RARS1: variants seen among roughly 807,000 people sequenced by gnomAD.
The protein encoded by RARS1 is arginyl-tRNA synthetase 1.
A neutral mutation model predicts 78.7 loss-of-function variants in RARS1; 75 were observed. The ratio of observed to expected loss-of-function variants is 0.95; its 90% CI spans 0.79 to 1.15. The LOEUF is 1.15. Ranked by LOEUF, RARS1 falls within the 50% of genes most tolerant of loss-of-function variation. The pLI is 0.00. For synonymous variants in RARS1, 273 were observed against 268.2 expected (o/e 1.02, Z -0.18); for missense variants, 787 against 787.5 (o/e 1.00, Z 0.01).
chr5:168,511,230 A>G (rs908351128), intron 12 of RARS1, among the ~76,000 whole-genome samples: 61 of 150,728 alleles, frequency 4.0e-4, no homozygotes, highest in Non-Finnish European at 7.7e-4. Flanking sequence ...AGAGCAGTAG[A>G]GGAGAGGTCA....
intron 9 of RARS1, among the ~76,000 whole-genome samples, chr5:168,503,827 T>C (rs916793129): frequency 1.3e-5 from 2 of 152,086 alleles, no homozygotes; most frequent in African/African-American, 4.8e-5. Flanking sequence ...TCACAGCACT[T>C]GGAGAGGCTG....
intron 7 of RARS1, among the ~76,000 whole-genome samples, 168 bp from the exon 8 acceptor site, chr5:168,500,423 G>T (rs1379339010): frequency 1.3e-5 from 2 of 152,050 alleles, no homozygotes; most frequent in South Asian, 4.1e-4. Flanking sequence ...AAGTTCTTTG[G>T]CATGTTCATT....
intron 1 of RARS1, among the ~76,000 whole-genome samples, chr5:168,487,098 C>T (rs1582424102): frequency 1.3e-5 from 2 of 152,226 alleles, no homozygotes; most frequent in East Asian, 1.9e-4. Flanking sequence ...CGCGGTGGCT[C>T]ATGCCTGTAA....
Position 168,497,252 on chromosome 5 carries a change from G to A in RARS1, c.726G>A (p.Gly242=), listed in dbSNP as rs1758214801. The A allele has an allele frequency of 2.5e-6, 4 of 1,579,964 alleles. No homozygotes were observed. Among genetic ancestry groups the A allele is most frequent in the Non-Finnish European group, 2.6e-6 (3 of 1,161,206 alleles). The change falls in exon 7 of 15, where the codon GGG becomes GGA. Residue 242 remains glycine (G), a synonymous_variant. Coordinates refer to ENST00000231572, the MANE Select transcript of RARS1 (RefSeq NM_002887.4). The stretch of plus-strand genomic sequence containing the variant: ...GGTTAAATCATGTAGGAGACTGGGG[G>A]ACCCAGTTTGGCATGCTCATCGCTC... ...VLRLNHVGDW[G]TQFGMLIAHL...
At chr5:168,505,773 A>G (rs1167932820) in intron 9 of RARS1, among the ~76,000 whole-genome samples, 1 of 151,680 alleles carries the variant, frequency 6.6e-6, no homozygotes, top group Admixed American at 6.6e-5. Flanking sequence ...AGTGTGGAAA[A>G]CTGCCAGAAC....
intron 11 of RARS1, among the ~76,000 whole-genome samples, chr5:168,507,380 A>G (rs753486621): frequency 6.6e-6 from 1 of 152,202 alleles, no homozygotes; most frequent in Non-Finnish European, 1.5e-5. Context: ...TAAAAAGGTA[A>G]ATACAACCGT....
intron 11 of RARS1, among the ~76,000 whole-genome samples, 174 bp downstream of exon 11, chr5:168,507,005 G>A (rs17664559): frequency 0.036 from 5,470 of 152,272 alleles, 419 homozygotes; most frequent in Admixed American, 0.18. Flanking sequence ...GCCAGGGAAT[G>A]TAGCCTTTTA....
At position 168,510,598 on chromosome 5, in the gene RARS1, G is replaced by T; in HGVS notation, c.1364G>T (p.Arg455Leu). The change falls in exon 12 of 15, where the codon CGT (arginine) becomes CTT (leucine). Residue 455 changes from arginine (R) to leucine (L), a missense_variant. Coordinates refer to ENST00000231572, the MANE Select transcript of RARS1 (RefSeq NM_002887.4). ...LGEDKKKFKTRSGETVRLMDL... is the reference protein window; with the variant it reads ...LGEDKKKFKTLSGETVRLMDL... ...TTTTTTAGGAAAAAGTTTAAAACAC[G>T]TTCGGGTGAAACAGTGCGCCTCATG... 6.2e-7 allele frequency: 1 copy of T among 1,608,798 alleles called. No individual in the cohort carries two copies. Among genetic ancestry groups the T allele is most frequent in the Non-Finnish European group, 8.5e-7 (1 of 1,178,800 alleles).
At chr5:168,507,594 C>T (rs979449732) in intron 11 of RARS1, among the ~76,000 whole-genome samples, 5 of 152,166 alleles carry the variant, frequency 3.3e-5, no homozygotes, top group African/African-American at 9.7e-5. Context: ...CCAGCCAATG[C>T]GCAGAAGCCC....
intron 10 of RARS1, 139 bp from the exon 11 acceptor site, chr5:168,506,583 G>C: frequency 1.6e-6 from 1 of 626,642 alleles, no homozygotes; most frequent in Non-Finnish European, 2.8e-6. Flanking sequence ...AATAAAAGAA[G>C]AGGTTTTATA....
At chr5:168,503,828 G>A (rs1582435436) in intron 9 of RARS1, among the ~76,000 whole-genome samples, 1 of 152,008 alleles carries the variant, frequency 6.6e-6, no homozygotes, top group Admixed American at 6.6e-5. Flanking sequence ...CACAGCACTT[G>A]GAGAGGCTGA....
chr5:168,518,200 G>C (rs1758716381), intron 14 of RARS1, 138 bp downstream of exon 14: 1 of 1,078,036 alleles, frequency 9.3e-7, no homozygotes, highest in Non-Finnish European at 1.2e-6. Context: ...TCTCCCACTT[G>C]AGCCTCCCGA....
chr5:168,505,572 T>G (rs1460294861), intron 9 of RARS1, among the ~76,000 whole-genome samples: 2 of 152,064 alleles, frequency 1.3e-5, no homozygotes, highest in Non-Finnish European at 2.9e-5. Context: ...GCTGATGGGT[T>G]CCAACTAAAG....
intron 11 of RARS1, among the ~76,000 whole-genome samples, chr5:168,510,128 G>T (rs1422687274): frequency 1.3e-5 from 2 of 152,172 alleles, no homozygotes; most frequent in Non-Finnish European, 2.9e-5. Flanking sequence ...TTTTGTCAAA[G>T]AATTTACTGA....
intron 13 of RARS1, 120 bp from the exon 14 acceptor site, chr5:168,517,695 T>TA (rs1458546964): frequency 7.6e-7 from 1 of 1,314,972 alleles, no homozygotes; most frequent in Non-Finnish European, 9.9e-7. Context: ...TATCGTATAA[T>TA]AAAATACTTC....
chr5:168,488,269 A>T (rs1561818130), intron 1 of RARS1: 2 of 340,444 alleles, frequency 5.9e-6, no homozygotes, highest in Non-Finnish European at 1.1e-5. Flanking sequence ...CTAGGATTAC[A>T]GGCATGCGCC....
Position 168,506,159 on chromosome 5 carries a change from A to G in RARS1, c.1196A>G (p.Glu399Gly), listed in dbSNP as rs774274708. 1.3e-6 allele frequency: 2 copies of G among 1,583,440 alleles called. No homozygotes were observed. Among genetic ancestry groups the G allele is most frequent in the African/African-American group, 1.4e-5 (1 of 73,454 alleles). Residue 399 changes from glutamate to glycine, a missense_variant, in exon 10 of 15, where the codon GAA (glutamate) becomes GGA (glycine). By Grantham distance (98) the Glu-to-Gly change is moderately conservative. Transcript: ENST00000231572. ...LAAIKQRLFEEKADMIIYVVD... is the reference protein window; with the variant it reads ...LAAIKQRLFEGKADMIIYVVD... Reference sequence around the variant, plus strand: ...GCTATTAAACAAAGACTATTTGAGGAAAAAGCAGATATGATTATCTATGTT... The same window carrying G: ...GCTATTAAACAAAGACTATTTGAGGGAAAAGCAGATATGATTATCTATGTT...
intron 7 of RARS1, 90 bp downstream of exon 7, chr5:168,497,438 G>A: frequency 8.7e-7 from 1 of 1,149,496 alleles, no homozygotes; most frequent in Non-Finnish European, 1.2e-6. Context: ...GGTTTTTAAA[G>A]CTACTATGGA....
chr5:168,487,093 T>G (rs1364484786), intron 1 of RARS1, among the ~76,000 whole-genome samples: 1 of 152,086 alleles, frequency 6.6e-6, no homozygotes, highest in African/African-American at 2.4e-5. Flanking sequence ...CCGGGCGCGG[T>G]GGCTCATGCC....
Sources: allele counts gnomAD v4.1 joint callset (sites outside exome capture counted in the v4.1 genomes callset), GRCh38; gene constraint gnomAD v4.1.1; transcripts MANE v1.5; gene names NCBI Gene and HGNC (gene_info 2026-07-23, HGNC 2026-07-21).